The following CSPP1 variants were observed in gnomAD, a reference collection of about 807,000 sequenced individuals.
CSPP1 encodes centrosome and spindle pole-associated protein 1.
A neutral mutation model predicts 164.4 loss-of-function variants in CSPP1; 126 were observed. That is an observed-to-expected ratio of 0.77 (90% confidence interval 0.66 to 0.89). The LOEUF is 0.89. Ranked by LOEUF, CSPP1 falls within the 40% of genes least tolerant of loss-of-function variation. CSPP1 has a pLI of 0.00. For missense variants in CSPP1, 1,395 were observed against 1,449.8 expected, an observed-to-expected ratio of 0.96 and a Z score of 0.61; for synonymous variants, 472 against 476.7, an observed-to-expected ratio of 0.99 and a Z score of 0.13.
At chr8:67,093,497 T>G (rs1487758858) in intron 5 of CSPP1, 46 bp from the exon 6 acceptor site, 17 of 1,231,066 alleles carry the variant, frequency 1.4e-5, no homozygotes, top group Non-Finnish European at 2.0e-5. Flanking sequence ...GGATTTTTTT[T>G]TCCTGAAGTT....
At chr8:67,075,987 AT>A (rs1322035964) in intron 2 of CSPP1, among the ~76,000 whole-genome samples, 1 of 152,168 alleles carries the variant, frequency 6.6e-6, no homozygotes, top group African/African-American at 2.4e-5. Flanking sequence ...TCTAACATTA[AT>A]TTGTACATAA....
intron 3 of CSPP1, among the ~76,000 whole-genome samples, chr8:67,083,377 CA>C (rs1453620461): frequency 6.6e-6 from 1 of 151,008 alleles, no homozygotes; most frequent in Non-Finnish European, 1.5e-5. Flanking sequence ...ACTAAAAATA[CA>C]AAAATTAGCC....
At chr8:67,108,764 C>G (rs1048838688) in intron 9 of CSPP1, among the ~76,000 whole-genome samples, 2 of 152,164 alleles carry the variant, frequency 1.3e-5, no homozygotes, top group African/African-American at 4.8e-5. Context: ...TAGCTAAACT[C>G]TTCTTTGTGT....
chr8:67,175,188 T>G, intron 25 of CSPP1, 108 bp from the exon 26 acceptor site: 1 of 786,602 alleles, frequency 1.3e-6, no homozygotes, highest in Non-Finnish European at 2.1e-6. Context: ...TTTCTATCAT[T>G]TCCTTGATTT....
Position 67,164,380 on chromosome 8 carries a change from G to C in CSPP1, c.2711-11G>C. Reference sequence around the variant, plus strand: ...CTGTCTTGTGTTTTACTTATCAATGGGAATTTGCAGAGGAGAAAAAAAATG... The same window carrying C: ...CTGTCTTGTGTTTTACTTATCAATGCGAATTTGCAGAGGAGAAAAAAAATG... On this transcript the variant is annotated splice_polypyrimidine_tract_variant and intron_variant, in intron 23 of 30. Coordinates refer to ENST00000678616, the MANE Select transcript of CSPP1 (RefSeq NM_001382391.1). 1 of 1,247,812 alleles carries C rather than the reference G, an allele frequency of 8.0e-7. No homozygotes were observed. Among genetic ancestry groups the C allele is most frequent in the Non-Finnish European group, 1.2e-6 (1 of 848,722 alleles). 77.3% of individuals were successfully genotyped at this position (1,247,812 alleles called of 1,614,324 possible). A position where few individuals can be genotyped will look rare whatever the true frequency, so the allele number is the denominator to read the frequency against.
At chr8:67,179,279 T>G (rs1456367772) in intron 27 of CSPP1, among the ~76,000 whole-genome samples, 2 of 152,158 alleles carry the variant, frequency 1.3e-5, no homozygotes, top group Non-Finnish European at 2.9e-5. Flanking sequence ...TATGCTCCAC[T>G]ATATCTGTGC....
At chr8:67,111,322 T>A (rs997976759) in intron 9 of CSPP1, among the ~76,000 whole-genome samples, 2 of 152,128 alleles carry the variant, frequency 1.3e-5, no homozygotes, top group Non-Finnish European at 2.9e-5. Flanking sequence ...TTGAGCAGAG[T>A]GCCAGTTTGA....
rs746822284 is a variant in CSPP1, at chr8:67,158,447, A to G, written c.2242A>G (p.Ile748Val). Residue 748 changes from isoleucine to valine, a missense_variant and splice_region_variant, in exon 20 of 31, where the codon ATT (isoleucine) becomes GTT (valine). Physicochemically the swap from Ile to Val is conservative, Grantham distance 29. Coordinates refer to ENST00000678616, the MANE Select transcript of CSPP1 (RefSeq NM_001382391.1). ...TAAATAACTAAGTTTAATTCTTTAG[A>G]TTGAGGAAAAGAAACAAAGAGAGGA... ...ELYKNFLRFQ[I>V]EEKKQREEAE... The G allele has an allele frequency of 6.3e-7, 1 of 1,584,250 alleles. No individual in the cohort carries two copies. The highest frequency in any genetic ancestry group is 8.6e-7 in the Non-Finnish European group (1 of 1,165,258).
At chr8:67,111,909 A>T in intron 9 of CSPP1, 63 bp from the exon 10 acceptor site, 1 of 986,024 alleles carries the variant, frequency 1.0e-6, no homozygotes, top group Non-Finnish European at 1.5e-6. Flanking sequence ...TTAAGGACTT[A>T]ACTTTCTAAT....
chr8:67,084,812 G>A (rs1243255304), intron 3 of CSPP1, among the ~76,000 whole-genome samples: 1 of 151,668 alleles, frequency 6.6e-6, no homozygotes, highest in African/African-American at 2.4e-5. Context: ...ATAGTATTAT[G>A]TGTATAGTAG....
intron 24 of CSPP1, among the ~76,000 whole-genome samples, chr8:67,168,324 GA>G (rs1478391381): frequency 2.3e-4 from 33 of 144,110 alleles, no homozygotes; most frequent in African/African-American, 8.3e-4. Flanking sequence ...GGAGACGGGA[GA>G]GGGGGAGGGG....
In CSPP1 at chr8:67,080,518, C is replaced by T. The variant is rs188966650; in HGVS notation, c.199+3937C>T. Among the ~76,000 whole-genome samples the T allele has an allele frequency of 1.5e-3, 229 of 152,288 alleles. 1 individual carries two copies. Among genetic ancestry groups the T allele is most frequent in the African/African-American group, 5.4e-3 (223 of 41,564 alleles). ...CTGACACCAGCTACCTGGAGTTGGA[C>T]CAAACTTCACAGGTTAAGGGCATAG... On this transcript the variant is annotated intron_variant, in intron 3 of 30. Coordinates refer to ENST00000678616, the MANE Select transcript of CSPP1 (RefSeq NM_001382391.1).
chr8:67,141,776 A>C (rs570621299), intron 17 of CSPP1, among the ~76,000 whole-genome samples: 1 of 152,304 alleles, frequency 6.6e-6, no homozygotes, highest in African/African-American at 2.4e-5. Flanking sequence ...CGGCCTCCCA[A>C]AGTGCTAGGA....
intron 6 of CSPP1, among the ~76,000 whole-genome samples, chr8:67,094,900 G>C (rs1305140062): frequency 6.6e-6 from 1 of 152,074 alleles, no homozygotes; most frequent in African/African-American, 2.4e-5. Context: ...GTTTACATTT[G>C]ATCATTTACT....
chr8:67,158,598 T>A lies in CSPP1; in HGVS notation c.2391+2T>A. ...AAGAAAAGAGAGAAAGAGGAGGAGG[T>A]ACATCTTTTTTCCCTATTGTATTTT... On this transcript the variant is annotated splice_donor_variant, in intron 20 of 30. Coordinates refer to ENST00000678616, the MANE Select transcript of CSPP1 (RefSeq NM_001382391.1). LOFTEE classifies it high-confidence loss of function. The A allele has an allele frequency of 5.6e-6, 8 of 1,422,676 alleles. No individual in the cohort carries two copies. Among genetic ancestry groups the A allele is most frequent in the South Asian group, 4.9e-5 (4 of 82,302 alleles). The allele number at this position is 1,422,676 out of a possible 1,614,324, so 88.1% of individuals were successfully genotyped here.
At chr8:67,142,409 T>G (rs1823691095) in intron 17 of CSPP1, among the ~76,000 whole-genome samples, 1 of 152,228 alleles carries the variant, frequency 6.6e-6, no homozygotes, top group South Asian at 2.1e-4. Context: ...TGATCTCGTT[T>G]CTGGCATGAA....
chr8:67,176,262 A>G (rs1288752930), intron 26 of CSPP1, among the ~76,000 whole-genome samples: 1 of 152,150 alleles, frequency 6.6e-6, no homozygotes. Flanking sequence ...AGATAACAAG[A>G]GTGGAAGGGA....
Position 67,118,104 on chromosome 8 carries a change from G to T in CSPP1, c.1497-144G>T. The T allele has an allele frequency of 6.7e-6, 5 of 747,872 alleles. No individual in the cohort carries two copies. In the South Asian group the frequency reaches 7.6e-5, roughly 11 times the overall value. The allele number at this position is 747,872 out of a possible 1,614,324, so 46.3% of individuals were successfully genotyped here. ...ATTTGCTTTTTAAGTCATAATTTTT[G>T]GTGAATGATTGGAGCAAGATGGTGA... is the stretch of plus-strand genomic sequence containing the variant. On this transcript the variant is annotated intron_variant, in intron 13 of 30. Coordinates refer to ENST00000678616, the MANE Select transcript of CSPP1 (RefSeq NM_001382391.1).
chr8:67,094,376 C>T lies in CSPP1; in HGVS notation c.483+735C>T, dbSNP rs186843957. On this transcript the variant is annotated intron_variant, in intron 6 of 30. Coordinates refer to ENST00000678616, the MANE Select transcript of CSPP1 (RefSeq NM_001382391.1). The stretch of plus-strand genomic sequence containing the variant: ...GCAACCTCCACTTCCTGGCTTCAGG[C>T]GATTCTCCTGCCTCAGCCTCTGGAG... 3.4e-4 allele frequency among the ~76,000 whole-genome samples: 51 copies of T among 148,158 alleles called. No homozygotes were observed. The East Asian group carries it at 9.7e-3, about 28-fold the overall frequency.
Sources: allele counts gnomAD v4.1 joint callset (sites outside exome capture counted in the v4.1 genomes callset), GRCh38; gene constraint gnomAD v4.1.1; transcripts MANE v1.5; gene names NCBI Gene and HGNC (gene_info 2026-07-23, HGNC 2026-07-21).